DSG2: variants seen among roughly 807,000 people sequenced by gnomAD.
The protein encoded by DSG2 is desmoglein-2.
In DSG2, 45 loss-of-function variants were observed where a neutral mutation model predicts 75.6. That is an observed-to-expected ratio of 0.60 (90% CI 0.47 to 0.76). The LOEUF (loss-of-function observed/expected upper bound fraction) is 0.76. Ranked by LOEUF, DSG2 falls within the 30% of genes least tolerant of loss-of-function variation. The pLI is 0.00. For missense variants in DSG2, 1,267 were observed against 1,357.4 expected (o/e 0.93, Z 1.05); for synonymous variants, 429 against 483.9 (o/e 0.89, Z 1.49).
At chr18:31,514,751 G>GT (rs1197008575) in intron 1 of DSG2, among the ~76,000 whole-genome samples, 1 of 152,162 alleles carries the variant, frequency 6.6e-6, no homozygotes, top group Non-Finnish European at 1.5e-5. Context: ...ACACATTAAA[G>GT]TTTAAGAAGC....
chr18:31,538,479 A>C (rs2073245659), intron 11 of DSG2, among the ~76,000 whole-genome samples: 1 of 152,182 alleles, frequency 6.6e-6, no homozygotes, highest in African/African-American at 2.4e-5. Context: ...CCCAGTGTAT[A>C]GAACAGTTCC....
At chr18:31,535,512 T>C in intron 10 of DSG2, 100 bp downstream of exon 10, 2 of 1,157,498 alleles carry the variant, frequency 1.7e-6, no homozygotes, top group Non-Finnish European at 2.5e-6. Flanking sequence ...AAACCTAATC[T>C]CGGCCGGGAG....
chr18:31,507,737 T>G (rs2144294266), intron 1 of DSG2, among the ~76,000 whole-genome samples: 1 of 152,342 alleles, frequency 6.6e-6, no homozygotes, highest in East Asian at 1.9e-4. Context: ...TTGAGAAGTG[T>G]CTGTTCATAT....
rs748768578 is a variant in DSG2 at position 31,522,141 on chromosome 18, G to A, written c.582G>A (p.Ser194=). Residue 194 remains serine (S), a synonymous_variant, in exon 6 of 15, where the codon TCG becomes TCA. Transcript: ENST00000261590. ...CAGATGAGCCCAATACCCTGAATTC[G>A]AAAATTTCCTATAGAATCGTATCTC... The part of the protein sequence containing the change: ...TDADEPNTLN[S]KISYRIVSLE... 23 of 1,613,710 alleles carry A rather than the reference G, an allele frequency of 1.4e-5. No homozygotes were observed. Among genetic ancestry groups the A allele is most frequent in the South Asian group, 4.4e-5 (4 of 91,060 alleles).
Position 31,546,464 on chromosome 18 carries a change from C to G in DSG2, c.3078C>G (p.Ser1026Arg), listed in dbSNP as rs2073311487. ...VRERESFLAP[S>R]SGVQPTLAMP... ...AAAGAGAGAGCTTCCTTGCCCCCAG[C>G]TCAGGTGTGCAGCCTACTCTGGCCA... Residue 1026 changes from serine to arginine, a missense_variant, in exon 15 of 15, where the codon AGC becomes AGG. Transcript: ENST00000261590. The G allele has an allele frequency of 1.2e-6, 2 of 1,614,188 alleles. No homozygotes were observed. Among genetic ancestry groups the G allele is most frequent in the Non-Finnish European group, 1.7e-6 (2 of 1,180,028 alleles).
Position 31,521,184 on chromosome 18 carries a change from A to AT in DSG2, c.464_465insT (p.Glu156ArgfsTer14), listed in dbSNP as rs794728091. 1 of 1,614,006 alleles carries AT rather than the reference A, an allele frequency of 6.2e-7. No homozygotes were observed. Among genetic ancestry groups the AT allele is most frequent in the Admixed American group, 1.7e-5 (1 of 60,012 alleles). Reference sequence around the variant, plus strand: ...ATTAAGGTTCTTGATATCAATGACAACGAACCAGTGTTCACACAGGATGTC... The same window carrying AT: ...ATTAAGGTTCTTGATATCAATGACAATCGAACCAGTGTTCACACAGGATGTC... On this transcript the variant is annotated frameshift_variant, in exon 5 of 15. Coordinates refer to ENST00000261590, the MANE Select transcript of DSG2 (RefSeq NM_001943.5). LOFTEE classifies it high-confidence loss of function.
chr18:31,498,761 G>A lies in DSG2; in HGVS notation c.45+465G>A, dbSNP rs571149708. On this transcript the variant is annotated intron_variant, in intron 1 of 14. Transcript: ENST00000261590. ...CGCCGACACAAGCCAGTGAACTGGG[G>A]AAACCAGGAACATACTTGTATTCTT... Among the ~76,000 whole-genome samples the A allele has an allele frequency of 1.1e-4, 17 of 152,290 alleles. No homozygotes were observed. In the South Asian group the frequency reaches 3.1e-3, roughly 28 times the overall value.
intron 1 of DSG2, among the ~76,000 whole-genome samples, chr18:31,503,412 G>T (rs1273659148): frequency 6.6e-6 from 1 of 152,164 alleles, no homozygotes; most frequent in Admixed American, 6.5e-5. Flanking sequence ...GCATCTAAAA[G>T]GCCTGAAAAT....
At position 31,538,645 on chromosome 18, in the gene DSG2, T is replaced by G; in HGVS notation, c.1652-106T>G. The G allele has an allele frequency of 3.2e-6, 3 of 935,658 alleles. No homozygotes were observed. In the South Asian group the frequency reaches 4.2e-5, roughly 13 times the overall value. 58.0% of individuals were successfully genotyped at this position (935,658 alleles called of 1,614,324 possible). A position where few individuals can be genotyped will look rare whatever the true frequency, so the allele number is the denominator to read the frequency against. On this transcript the variant is annotated intron_variant, in intron 11 of 14. Transcript: ENST00000261590. ...AGTGAAGGAAGAACAAAGTACCTAA[T>G]TGGAGTTAAATACAATCAGCAATGA...
At position 31,531,238 on chromosome 18, in the gene DSG2, A is replaced by G. The variant is rs770359142; in HGVS notation, c.1266A>G (p.Leu422=). The G allele has an allele frequency of 6.2e-7, 1 of 1,614,182 alleles. No individual in the cohort carries two copies. Among genetic ancestry groups the G allele is most frequent in the Non-Finnish European group, 8.5e-7 (1 of 1,180,000 alleles). Residue 422 remains leucine (L), a synonymous_variant, in exon 9 of 15, where the codon CTA becomes CTG. Transcript: ENST00000261590. ...AAGCTTTTGATGAGGACACTGGACT[A>G]CCAGCCCATGCAAGGTAAGAGAGAG... The part of the protein sequence containing the change: ...NFQAFDEDTG[L]PAHARYVKLE...
chr18:31,532,961 G>C (rs541152537), intron 9 of DSG2, among the ~76,000 whole-genome samples: 1 of 152,222 alleles, frequency 6.6e-6, no homozygotes, highest in African/African-American at 2.4e-5. Context: ...TACATCAAAA[G>C]ATTGTGTGTT....
Position 31,538,736 on chromosome 18 carries a change from C to T in DSG2, c.1652-15C>T. On this transcript the variant is annotated splice_polypyrimidine_tract_variant and intron_variant, in intron 11 of 14. Transcript: ENST00000261590. ...ATCGTTCGTTTTTATTTCCTTCTGC[C>T]TCCCAACCTTGTAGGTACCAGTGTG... is the stretch of plus-strand genomic sequence containing the variant. The T allele has an allele frequency of 6.2e-7, 1 of 1,610,670 alleles. No homozygotes were observed. The highest frequency in any genetic ancestry group is 1.1e-5 in the South Asian group (1 of 90,978).
Position 31,546,898 on chromosome 18 carries a change from C to A in DSG2, c.*155C>A. The stretch of plus-strand genomic sequence containing the variant: ...TCAGTCACTGATATGCAAAGGACCA[C>A]ACTGTCTCTGCTTCCAGGAGTATTT... On this transcript the variant is annotated 3_prime_UTR_variant, in exon 15 of 15. Transcript: ENST00000261590. The A allele has an allele frequency of 1.3e-6, 1 of 772,998 alleles. No homozygotes were observed. Among genetic ancestry groups the A allele is most frequent in the Non-Finnish European group, 2.3e-6 (1 of 442,458 alleles). The allele number at this position is 772,998 out of a possible 1,614,324, so 47.9% of individuals were successfully genotyped here.
At chr18:31,520,999 GT>G in intron 4 of DSG2, 35 bp downstream of exon 4, 1 of 1,610,068 alleles carries the variant, frequency 6.2e-7, no homozygotes. Context: ...TTAGTTTGTA[GT>G]TTTTCTGTCA....
chr18:31,503,655 T>G (rs2073025112), intron 1 of DSG2, among the ~76,000 whole-genome samples: 1 of 152,106 alleles, frequency 6.6e-6, no homozygotes, highest in South Asian at 2.1e-4. Flanking sequence ...ATTTGAGTGA[T>G]TAAGTATAAT....
At position 31,498,257 on chromosome 18, in the gene DSG2, G is replaced by A. The variant is rs368809971; in HGVS notation, c.6G>A (p.Ala2=). 2,457 of 1,260,138 alleles carry A rather than the reference G, an allele frequency of 1.9e-3. 12 individuals carry two copies. Among genetic ancestry groups the A allele is most frequent in the South Asian group, 3.7e-3 (96 of 25,644 alleles). The allele number at this position is 1,260,138 out of a possible 1,614,324, so 78.1% of individuals were successfully genotyped here. A position where few individuals can be genotyped will look rare whatever the true frequency, so the allele number is the denominator to read the frequency against. The change falls in exon 1 of 15, where the codon GCG becomes GCA. Residue 2 remains alanine (A), a synonymous_variant. Coordinates refer to ENST00000261590, the MANE Select transcript of DSG2 (RefSeq NM_001943.5). ...GAGGCGGAGGCGAGGGTGCGATGGC[G>A]CGGAGCCCGGGACGCGCGTACGCCC... is the stretch of plus-strand genomic sequence containing the variant. M[A]RSPGRAYALL...
chr18:31,547,848 ATTATC>A lies in DSG2; in HGVS notation c.*1108_*1112del, dbSNP rs1464285059. 2.0e-5 allele frequency: 3 copies of A among 152,148 alleles called. No homozygotes were observed. Among genetic ancestry groups the A allele is most frequent in the Admixed American group, 6.5e-5 (1 of 15,272 alleles). 9.4% of individuals were successfully genotyped at this position (152,148 alleles called of 1,614,324 possible). A position where few individuals can be genotyped will look rare whatever the true frequency, so the allele number is the denominator to read the frequency against. ...TATACTTTAAAAAGCCTCAGGGTAT[ATTATC>A]TTCTAAACAGCTACAATTCAGTGCA... On this transcript the variant is annotated 3_prime_UTR_variant, in exon 15 of 15. Transcript: ENST00000261590.
At chr18:31,503,856 G>A (rs1043610095) in intron 1 of DSG2, among the ~76,000 whole-genome samples, 3 of 152,018 alleles carry the variant, frequency 2.0e-5, no homozygotes, top group African/African-American at 4.8e-5. Flanking sequence ...GGATGCCCCT[G>A]GTATTTAGTT....
At chr18:31,514,518 G>A (rs2073083429) in intron 1 of DSG2, among the ~76,000 whole-genome samples, 1 of 152,086 alleles carries the variant, frequency 6.6e-6, no homozygotes, top group Admixed American at 6.5e-5. Context: ...GCTGACTACT[G>A]AAACAACAAT....
Sources: gnomAD v4.1 joint callset for allele counts (sites outside exome capture counted in the v4.1 genomes callset) on GRCh38, gnomAD v4.1.1 for gene constraint, MANE v1.5 for transcripts, NCBI Gene and HGNC (gene_info 2026-07-23, HGNC 2026-07-21) for gene names.